The following TF variants were observed in gnomAD, a reference collection of about 807,000 sequenced individuals.
The protein encoded by TF is serotransferrin.
Under a neutral mutation model 82.4 loss-of-function variants are expected in TF, and 55 were observed. The observed-to-expected ratio is 0.67, with a 90% CI of 0.54 to 0.84. TF has a LOEUF of 0.84. Among genes scored for constraint, TF ranks in the 40% least tolerant of loss-of-function variants. The probability of loss-of-function intolerance (pLI) is 0.00; values close to 1 mark genes in which losing one functional copy is unlikely to be tolerated. For missense variants in TF, 737 were observed against 868.4 expected (o/e 0.85, Z 1.90); for synonymous variants, 332 against 332.6 (o/e 1.00, Z 0.02).
At chr3:133,737,041 T>C in the TF span, among the ~76,000 whole-genome samples, 1 of 152,170 alleles carries the variant, frequency 6.6e-6, no homozygotes, top group South Asian at 2.1e-4. Flanking sequence ...ACATCGCACT[T>C]ATTCTAAAAT....
rs1014716348 is a variant in TF at position 133,783,112 on chromosome 3, C to CT, written c.*4495dup. The CT allele has an allele frequency of 5.9e-5, 9 of 152,178 alleles. No homozygotes were observed. The highest frequency in any genetic ancestry group is 1.4e-4 in the African/African-American group (6 of 41,436). The allele number at this position is 152,178 out of a possible 1,614,324, so 9.4% of individuals were successfully genotyped here. Reference sequence around the variant, plus strand: ...ACCACAGTATAGGTAATAAATTCTACTTTATTTGGGATTCCTCCTTCACTG... The same window carrying CT: ...ACCACAGTATAGGTAATAAATTCTACTTTTATTTGGGATTCCTCCTTCACTG... On this transcript the variant is annotated 3_prime_UTR_variant, in exon 17 of 17. Coordinates refer to ENST00000402696, the MANE Select transcript of TF (RefSeq NM_001063.4).
the TF span, among the ~76,000 whole-genome samples, chr3:133,730,577 G>A: frequency 6.6e-6 from 1 of 152,176 alleles, no homozygotes; most frequent in Non-Finnish European, 1.5e-5. Context: ...AATGGCACTG[G>A]GGAAGAGCTG....
rs1489813986 is a variant in TF at position 133,793,967 on chromosome 3, C to T, written c.*15347C>T. ...AATTAAATACCAAGAAAATACTTTG[C>T]CAGATTTTCATGCTAAATCAGCTGA... is the stretch of plus-strand genomic sequence containing the variant. On this transcript the variant is annotated 3_prime_UTR_variant, in exon 17 of 17. Coordinates refer to ENST00000402696, the MANE Select transcript of TF (RefSeq NM_001063.4). The T allele has an allele frequency of 6.6e-6, 1 of 152,086 alleles. No homozygotes were observed. Among genetic ancestry groups the T allele is most frequent in the Non-Finnish European group, 1.5e-5 (1 of 68,004 alleles). 9.4% of individuals were successfully genotyped at this position (152,086 alleles called of 1,614,324 possible).
At chr3:133,696,043 A>T in the TF span, among the ~76,000 whole-genome samples, 6 of 152,334 alleles carry the variant, frequency 3.9e-5, no homozygotes, top group South Asian at 6.2e-4. Context: ...CAGTGCCTTC[A>T]CAAGAAGGGT....
chr3:133,728,261 T>A, the TF span, among the ~76,000 whole-genome samples: 1 of 152,232 alleles, frequency 6.6e-6, no homozygotes, highest in Non-Finnish European at 1.5e-5. Flanking sequence ...TCCAACTTGG[T>A]TCCATTCTCC....
At position 133,791,654 on chromosome 3, in the gene TF, T is replaced by G. The variant is rs1174621844; in HGVS notation, c.*13034T>G. ...GAGGGGTACCTTAGAATAAAATGTG[T>G]GCTTAGGACCCCATAGACCTGCTGT... On this transcript the variant is annotated 3_prime_UTR_variant, in exon 17 of 17. Transcript: ENST00000402696. The G allele has an allele frequency of 6.6e-6, 1 of 152,208 alleles. No individual in the cohort carries two copies. Among genetic ancestry groups the G allele is most frequent in the African/African-American group, 2.4e-5 (1 of 41,460 alleles). The allele number at this position is 152,208 out of a possible 1,614,324, so 9.4% of individuals were successfully genotyped here.
chr3:133,705,057 G>C, the TF span, among the ~76,000 whole-genome samples: 2 of 152,066 alleles, frequency 1.3e-5, no homozygotes, highest in South Asian at 2.1e-4. Context: ...GGTGGATCAC[G>C]TGAGGTCAGG....
the TF span, among the ~76,000 whole-genome samples, chr3:133,686,389 A>T: frequency 1.4e-4 from 21 of 152,362 alleles, no homozygotes; most frequent in East Asian, 4.0e-3. Context: ...AGCAAAAGAA[A>T]CTACCATCAG....
the TF span, among the ~76,000 whole-genome samples, chr3:133,682,569 C>A: frequency 6.6e-6 from 1 of 152,126 alleles, no homozygotes; most frequent in East Asian, 1.9e-4. Flanking sequence ...CATGCACAAG[C>A]TTCAGTAGCC....
At chr3:133,715,471 A>G in the TF span, among the ~76,000 whole-genome samples, 1 of 152,104 alleles carries the variant, frequency 6.6e-6, no homozygotes, top group East Asian at 1.9e-4. Flanking sequence ...TTTCTGTGGC[A>G]GCATCAAATC....
chr3:133,727,612 T>G, the TF span, among the ~76,000 whole-genome samples: 4 of 113,780 alleles, frequency 3.5e-5, no homozygotes, highest in South Asian at 6.9e-4. Flanking sequence ...TTTATCCAAT[T>G]TGCCAGTCTG....
chr3:133,778,519 C>A, intron 16 of TF, 67 bp from the exon 17 acceptor site: 1 of 1,554,410 alleles, frequency 6.4e-7, no homozygotes, highest in South Asian at 1.1e-5. Context: ...ATTGTTCAAT[C>A]ACTCGACAGT....
the TF span, among the ~76,000 whole-genome samples, chr3:133,664,496 C>G: frequency 6.6e-6 from 1 of 152,054 alleles, no homozygotes; most frequent in African/African-American, 2.4e-5. Context: ...CTAATTTTTG[C>G]ATTTTTAGTG....
At chr3:133,688,622 A>C in the TF span, among the ~76,000 whole-genome samples, 3 of 152,232 alleles carry the variant, frequency 2.0e-5, no homozygotes, top group Non-Finnish European at 4.4e-5. Flanking sequence ...TCTCAGTAAA[A>C]TACCTATGTC....
chr3:133,711,229 G>C, the TF span, among the ~76,000 whole-genome samples: 2 of 152,124 alleles, frequency 1.3e-5, no homozygotes, highest in Non-Finnish European at 2.9e-5. Flanking sequence ...ATCCAAAGGG[G>C]TGTTACACAA....
intron 2 of TF, among the ~76,000 whole-genome samples, chr3:133,750,448 G>A (rs1381946148): frequency 2.8e-5 from 2 of 72,098 alleles, no homozygotes; most frequent in African/African-American, 6.9e-5. Context: ...CAATCCCCGC[G>A]CTGGGGTTTT....
the TF span, chr3:133,662,228 T>A: frequency 6.6e-6 from 1 of 152,246 alleles, no homozygotes; most frequent in African/African-American, 2.4e-5. Context: ...TCAATAGATA[T>A]TTATTTTACA....
chr3:133,713,475 G>A, the TF span, among the ~76,000 whole-genome samples: 4 of 152,306 alleles, frequency 2.6e-5, no homozygotes, highest in South Asian at 2.1e-4. Context: ...AAGGGGCCGC[G>A]GTGAGAAAGG....
At chr3:133,774,932 TCA>T in intron 14 of TF, 1 of 384,366 alleles carries the variant, frequency 2.6e-6, no homozygotes, top group South Asian at 2.1e-5. Context: ...CAGACCTGTA[TCA>T]CACAGGTGTG....
Sources: gnomAD v4.1 joint callset for allele counts (sites outside exome capture counted in the v4.1 genomes callset) on GRCh38, gnomAD v4.1.1 for gene constraint, MANE v1.5 for transcripts, NCBI Gene and HGNC (gene_info 2026-07-23, HGNC 2026-07-21) for gene names.